The following PTPRO variants were observed in gnomAD, a reference collection of about 807,000 sequenced individuals.
The protein encoded by PTPRO is receptor-type tyrosine-protein phosphatase O.
In PTPRO, 62 loss-of-function variants were observed where a neutral mutation model predicts 145.2. The observed-to-expected ratio is 0.43, with a 90% CI of 0.35 to 0.53. PTPRO has a LOEUF of 0.53. Among genes scored for constraint, PTPRO ranks in the 20% least tolerant of loss-of-function variants. The pLI is 0.01. For missense variants in PTPRO, 1,345 were observed against 1,482.7 expected, an observed-to-expected ratio of 0.91 and a Z score of 1.53; for synonymous variants, 565 against 514.7, an observed-to-expected ratio of 1.10 and a Z score of -1.32.
chr12:15,495,917 A>T (rs1388932100), intron 2 of PTPRO, among the ~76,000 whole-genome samples: 1 of 151,984 alleles, frequency 6.6e-6, no homozygotes, highest in East Asian at 1.9e-4. Flanking sequence ...GAAAGGGGGG[A>T]AGTTAATCTA....
chr12:15,490,601 T>TCA (rs1941980973), intron 2 of PTPRO, among the ~76,000 whole-genome samples: 1 of 152,210 alleles, frequency 6.6e-6, no homozygotes, highest in Non-Finnish European at 1.5e-5. Flanking sequence ...TTGTGGACTG[T>TCA]AGTTTGCTCA....
intron 24 of PTPRO, among the ~76,000 whole-genome samples, chr12:15,588,824 G>A (rs1314203466): frequency 2.6e-5 from 4 of 152,216 alleles, no homozygotes; most frequent in Admixed American, 6.5e-5. Flanking sequence ...ATCAGTTCCC[G>A]AGAGTACTCA....
Position 15,483,977 on chromosome 12 carries a change from G to T in PTPRO, c.79G>T (p.Ala27Ser). The T allele has an allele frequency of 6.2e-7, 1 of 1,613,242 alleles. No homozygotes were observed. The highest frequency in any genetic ancestry group is 1.1e-5 in the South Asian group (1 of 91,052). ...LLWLFVLFKN[A>S]TAFHVTVQDD... is the part of the protein sequence containing the mutation. ...TTTATTCTGTTTCATTCAACAGAATGCTACAGCTTTCCATGTAACTGTCCA... is the reference window on the plus strand; with the variant it reads ...TTTATTCTGTTTCATTCAACAGAATTCTACAGCTTTCCATGTAACTGTCCA... Residue 27 changes from alanine to serine, a missense_variant, in exon 2 of 27, where the codon GCT becomes TCT. This residue lies in a region of PTPRO where 1,130 missense variants were observed against 1,214.7 expected (regional missense o/e 0.93). Transcript: ENST00000281171.
intron 1 of PTPRO, among the ~76,000 whole-genome samples, chr12:15,373,955 A>C (rs1347152994): frequency 6.6e-6 from 1 of 152,128 alleles, no homozygotes; most frequent in Non-Finnish European, 1.5e-5. Flanking sequence ...TCTATCTTGG[A>C]GGTAAGTTCA....
chr12:15,508,973 G>T (rs1942379198), intron 7 of PTPRO, among the ~76,000 whole-genome samples: 1 of 152,190 alleles, frequency 6.6e-6, no homozygotes. Flanking sequence ...CTTCAGAGGA[G>T]GGTCATGTTC....
Position 15,370,151 on chromosome 12 carries a change from C to T in PTPRO, c.75+47350C>T, listed in dbSNP as rs561191487. 2.0e-5 allele frequency among the ~76,000 whole-genome samples: 3 copies of T among 152,254 alleles called. No homozygotes were observed. The South Asian group carries it at 6.2e-4, about 32-fold the overall frequency. ...AGAAGGTTTTTGAGTAAAATTCTTGCAGACAGTCTTTGTATGAACTCTAGA... is the reference window on the plus strand; with the variant it reads ...AGAAGGTTTTTGAGTAAAATTCTTGTAGACAGTCTTTGTATGAACTCTAGA... On this transcript the variant is annotated intron_variant, in intron 1 of 26. Coordinates refer to ENST00000281171, the MANE Select transcript of PTPRO (RefSeq NM_030667.3).
At chr12:15,358,640 G>A (rs1938074966) in intron 1 of PTPRO, among the ~76,000 whole-genome samples, 1 of 152,160 alleles carries the variant, frequency 6.6e-6, no homozygotes, top group Non-Finnish European at 1.5e-5. Flanking sequence ...TACATGAAGT[G>A]TCCAAGATCT....
At chr12:15,463,551 T>C (rs1941352047) in intron 1 of PTPRO, among the ~76,000 whole-genome samples, 1 of 152,210 alleles carries the variant, frequency 6.6e-6, no homozygotes, top group South Asian at 2.1e-4. Context: ...AGGCATTAAA[T>C]AATTATACAG....
intron 1 of PTPRO, among the ~76,000 whole-genome samples, chr12:15,414,315 C>G (rs966371173): frequency 6.6e-6 from 1 of 152,208 alleles, no homozygotes; most frequent in Admixed American, 6.5e-5. Flanking sequence ...GATACTAACA[C>G]TGCTGTTCTG....
chr12:15,502,858 G>A (rs1442386312), intron 5 of PTPRO, among the ~76,000 whole-genome samples: 1 of 151,998 alleles, frequency 6.6e-6, no homozygotes, highest in Non-Finnish European at 1.5e-5. Flanking sequence ...AGTTTGAGTG[G>A]CAGAGGTTAT....
rs752994893 is a variant in PTPRO at position 15,581,759 on chromosome 12, A to C, written c.3213A>C (p.Glu1071Asp). The C allele has an allele frequency of 6.2e-7, 1 of 1,614,040 alleles. No individual in the cohort carries two copies. Among genetic ancestry groups the C allele is most frequent in the Non-Finnish European group, 8.5e-7 (1 of 1,179,922 alleles). Residue 1071 changes from glutamate to aspartate, a missense_variant, in exon 23 of 27, where the codon GAA (glutamate) becomes GAC (aspartate). Glu to Asp is a conservative substitution (Grantham distance 45). Around this residue, in one of 3 missense-constraint regions of PTPRO, gnomAD observed 208 missense variants for 242.8 expected, o/e 0.86. Transcript: ENST00000281171. Reference protein sequence around the residue: ...GDITVEMISEEEQDDWACRHF... With the variant: ...GDITVEMISEDEQDDWACRHF... ...TCACTGTGGAGATGATTTCAGAGGA[A>C]GAGCAGGACGACTGGGCCTGTAGAC...
chr12:15,506,241 T>C (rs1348569589), intron 6 of PTPRO, among the ~76,000 whole-genome samples: 2 of 152,230 alleles, frequency 1.3e-5, no homozygotes, highest in African/African-American at 2.4e-5. Flanking sequence ...TGTAGTTCTC[T>C]AACACATATT....
intron 22 of PTPRO, among the ~76,000 whole-genome samples, chr12:15,581,052 TC>T (rs1361468861): frequency 6.6e-6 from 1 of 152,198 alleles, no homozygotes; most frequent in African/African-American, 2.4e-5. Context: ...TTGGAAGTCT[TC>T]TAAAAAGGAG....
chr12:15,518,045 A>G (rs1196902717), intron 9 of PTPRO, among the ~76,000 whole-genome samples: 1 of 152,118 alleles, frequency 6.6e-6, no homozygotes, highest in East Asian at 1.9e-4. Context: ...AGCAGAGGGC[A>G]TGAGGTCCCT....
At chr12:15,406,711 C>T (rs1939657140) in intron 1 of PTPRO, among the ~76,000 whole-genome samples, 1 of 152,026 alleles carries the variant, frequency 6.6e-6, no homozygotes, top group African/African-American at 2.4e-5. Flanking sequence ...GCAAAGTGCC[C>T]TGGTAGAATT....
intron 1 of PTPRO, among the ~76,000 whole-genome samples, chr12:15,434,628 C>A (rs907330602): frequency 1.3e-5 from 2 of 152,096 alleles, no homozygotes; most frequent in African/African-American, 2.4e-5. Context: ...AAAACACAGA[C>A]CCACTTAAAC....
chr12:15,379,445 G>A (rs1036336461), intron 1 of PTPRO, among the ~76,000 whole-genome samples: 1 of 150,202 alleles, frequency 6.7e-6, no homozygotes, highest in Non-Finnish European at 1.5e-5. Flanking sequence ...GCAGGAGAAC[G>A]GCTTGAACAC....
chr12:15,574,889 A>T (rs886636100), intron 19 of PTPRO, among the ~76,000 whole-genome samples: 7 of 152,172 alleles, frequency 4.6e-5, no homozygotes, highest in African/African-American at 1.4e-4. Flanking sequence ...CATTGTTACA[A>T]ACCCTAAGAC....
intron 1 of PTPRO, among the ~76,000 whole-genome samples, chr12:15,434,576 G>A (rs770220773): frequency 8.5e-5 from 13 of 152,076 alleles, no homozygotes; most frequent in African/African-American, 1.4e-4. Context: ...ATAAATGCAT[G>A]GGAATTTTTT....
Sources: gnomAD v4.1 joint callset for allele counts (sites outside exome capture counted in the v4.1 genomes callset) on GRCh38, gnomAD v4.1.1 for gene constraint, gnomAD v4.1.1 regional missense constraint, MANE v1.5 for transcripts, NCBI Gene and HGNC (gene_info 2026-07-23, HGNC 2026-07-21) for gene names.